Variants in USP24 observed in about 807,000 individuals in gnomAD.
USP24 encodes the protein ubiquitin specific peptidase 24, also known as ubiquitin carboxyl-terminal hydrolase 24.
In USP24, 97 loss-of-function variants were observed where a neutral mutation model predicts 361.6. That is an observed-to-expected ratio of 0.27 (90% CI 0.23 to 0.32). The LOEUF (loss-of-function observed/expected upper bound fraction) is 0.32. Ranked by LOEUF, USP24 falls within the 10% of genes least tolerant of loss-of-function variation. The pLI, the probability that USP24 is intolerant of heterozygous loss-of-function variation, is 1.00. For synonymous variants in USP24, 1,098 were observed against 1,124.6 expected (o/e 0.98, Z 0.47); for missense variants, 2,353 against 3,165.6 (o/e 0.74, Z 6.16).
In USP24 at chr1:55,142,767, A is replaced by G. The variant is rs1191714162; in HGVS notation, c.2609T>C (p.Ile870Thr). ...TTCTAATCTTGTGTAGCAATCAGCA[A>G]TGAATTTCTTATGTAAAGATACTGA... is the stretch of plus-strand genomic sequence containing the variant. ...KDSVSLHKKF[I>T]ADCYTRLEAA... is the part of the protein sequence containing the mutation. Residue 870 changes from isoleucine (I) to threonine (T), a missense_variant, in exon 23 of 68, where the codon ATT becomes ACT. Ile to Thr is a moderately conservative substitution (Grantham distance 89). Coordinates refer to ENST00000294383, the MANE Select transcript of USP24 (RefSeq NM_015306.3). 1 of 1,555,344 alleles carries G rather than the reference A, an allele frequency of 6.4e-7. No individual in the cohort carries two copies. The highest frequency in any genetic ancestry group is 1.9e-5 in the Admixed American group (1 of 52,172).
rs528010825 is a variant in USP24, at chr1:55,130,869, A to G, written c.3538-1295T>C. On this transcript the variant is annotated intron_variant, in intron 31 of 67. Transcript: ENST00000294383. ...TAACCTTTTAGCTGACAGCAAAATA[A>G]AAGCTTTTGGGAGTGTTAGGTTTCC... Among the ~76,000 whole-genome samples the G allele has an allele frequency of 6.0e-4, 91 of 152,302 alleles. 1 individual carries two copies. Among genetic ancestry groups the G allele is most frequent in the Non-Finnish European group, 2.1e-4 (14 of 68,016 alleles).
intron 38 of USP24, among the ~76,000 whole-genome samples, chr1:55,119,497 T>C (rs920031067): frequency 6.6e-6 from 1 of 152,152 alleles, no homozygotes; most frequent in African/African-American, 2.4e-5. Context: ...ACAGTTGTGA[T>C]GGTTGCATCA....
At chr1:55,120,453 C>T (rs1028833170) in intron 38 of USP24, 143 bp downstream of exon 38, 68 of 939,192 alleles carry the variant, frequency 7.2e-5, no homozygotes, top group Non-Finnish European at 9.7e-5. Flanking sequence ...TATCCAAATG[C>T]CATCTTTCAG....
At position 55,182,444 on chromosome 1, in the gene USP24, T is replaced by C. The variant is rs1165239; in HGVS notation, c.325-4312A>G. 6.1e-3 allele frequency among the ~76,000 whole-genome samples: 934 copies of C among 152,332 alleles called. 4 individuals are homozygous for C. Among genetic ancestry groups the C allele is most frequent in the South Asian group, 0.016 (76 of 4,832 alleles). ...CCACCCAGTCTGTGGTATTTTGTTA[T>C]GGCAGCCTGTTGAGGCTGATTCTGA... On this transcript the variant is annotated intron_variant, in intron 1 of 67. Coordinates refer to ENST00000294383, the MANE Select transcript of USP24 (RefSeq NM_015306.3).
chr1:55,191,647 C>T lies in USP24; in HGVS notation c.325-13515G>A, dbSNP rs139832202. 4.0e-4 allele frequency among the ~76,000 whole-genome samples: 61 copies of T among 152,040 alleles called. No homozygotes were observed. The East Asian group carries it at 0.011, about 27-fold the overall frequency. On this transcript the variant is annotated intron_variant, in intron 1 of 67. Coordinates refer to ENST00000294383, the MANE Select transcript of USP24 (RefSeq NM_015306.3). ...CTGGGATTACAGGCGCCTGCCACCA[C>T]GTCCGGCTAATTTTTTGTATTTTTA...
intron 1 of USP24, among the ~76,000 whole-genome samples, chr1:55,189,220 T>C (rs1644223005): frequency 6.6e-6 from 1 of 152,192 alleles, no homozygotes; most frequent in Non-Finnish European, 1.5e-5. Flanking sequence ...CGTGGCAGCA[T>C]TGTTGCTAAC....
intron 38 of USP24, among the ~76,000 whole-genome samples, chr1:55,110,474 T>C (rs985349130): frequency 2.0e-5 from 3 of 152,160 alleles, no homozygotes; most frequent in Non-Finnish European, 4.4e-5. Context: ...ACTAAATCTA[T>C]CACATCTTAA....
intron 32 of USP24, among the ~76,000 whole-genome samples, chr1:55,126,061 G>A (rs1174503613): frequency 2.0e-4 from 30 of 152,150 alleles, no homozygotes. Flanking sequence ...ATCCTTCAAT[G>A]GTTTCCTATT....
chr1:55,115,565 T>G (rs1161585089), intron 38 of USP24, among the ~76,000 whole-genome samples: 1 of 151,410 alleles, frequency 6.6e-6, no homozygotes, highest in Non-Finnish European at 1.5e-5. Flanking sequence ...TTTACACTGT[T>G]GGTGGGAGTG....
chr1:55,168,560 A>G (rs1018670054), intron 5 of USP24, among the ~76,000 whole-genome samples: 1 of 152,118 alleles, frequency 6.6e-6, no homozygotes, highest in African/African-American at 2.4e-5. Flanking sequence ...TTTGCAGGAG[A>G]AAAGGACATC....
intron 55 of USP24, among the ~76,000 whole-genome samples, chr1:55,087,712 G>A (rs1019964589): frequency 2.6e-5 from 4 of 152,214 alleles, no homozygotes; most frequent in Non-Finnish European, 4.4e-5. Flanking sequence ...AGTAGGGAAT[G>A]AACTGAACCT....
In USP24 at chr1:55,099,792, A is replaced by T. The variant is rs1194057173; in HGVS notation, c.5349T>A (p.Asp1783Glu). 1.9e-6 allele frequency: 3 copies of T among 1,557,908 alleles called. No individual in the cohort carries two copies. Among genetic ancestry groups the T allele is most frequent in the Non-Finnish European group, 2.6e-6 (3 of 1,149,756 alleles). Residue 1783 changes from aspartate (D) to glutamate (E), a missense_variant, in exon 45 of 68, where the codon GAT becomes GAA. By Grantham distance (45) the Asp-to-Glu change is conservative. Coordinates refer to ENST00000294383, the MANE Select transcript of USP24 (RefSeq NM_015306.3). ...CTACCTTGAGGTATTCATCCATCTG[A>T]TCAATGAGACTAGTAAAGAATTCAT... Reference protein sequence around the residue: ...DAYEFFTSLIDQMDEYLKKMG... With the variant: ...DAYEFFTSLIEQMDEYLKKMG...
intron 43 of USP24, among the ~76,000 whole-genome samples, chr1:55,101,342 T>C (rs149179041): frequency 2.6e-5 from 4 of 152,282 alleles, no homozygotes; most frequent in Non-Finnish European, 5.9e-5. Flanking sequence ...AAAAACAACT[T>C]TGGAGTTCAA....
chr1:55,075,475 T>C lies in USP24; in HGVS notation c.7429A>G (p.Thr2477Ala), dbSNP rs1328286611. ...TACTTGCCTAGTAATCCATTTTCTG[T>C]CTCAAACACAAATTTGACTCGCTCT... ...QVERVKFVFE[T>A]ENGLLALMHH... is the part of the protein sequence containing the mutation. Residue 2477 changes from threonine (T) to alanine (A), a missense_variant, in exon 63 of 68, where the codon ACA (threonine) becomes GCA (alanine). Coordinates refer to ENST00000294383, the MANE Select transcript of USP24 (RefSeq NM_015306.3). 6.2e-7 allele frequency: 1 copy of C among 1,604,174 alleles called. No homozygotes were observed. Among genetic ancestry groups the C allele is most frequent in the Admixed American group, 1.7e-5 (1 of 58,508 alleles).
intron 1 of USP24, among the ~76,000 whole-genome samples, chr1:55,208,964 CAAT>C (rs1210047237): frequency 6.6e-6 from 1 of 151,790 alleles, no homozygotes; most frequent in Non-Finnish European, 1.5e-5. Flanking sequence ...AAAAAAAACC[CAAT>C]AATGTCACCT....
intron 58 of USP24, among the ~76,000 whole-genome samples, chr1:55,082,461 AT>A (rs1168217535): frequency 6.6e-6 from 1 of 152,218 alleles, no homozygotes; most frequent in Non-Finnish European, 1.5e-5. Flanking sequence ...AATACGATGG[AT>A]GGGAGAAACA....
chr1:55,169,121 T>C lies in USP24; in HGVS notation c.825+2435A>G, dbSNP rs149734866. ...GTTAAGAACATGAGACAATACAAAA[T>C]GAAACAGTCAAAAAAACAAAATTTA... On this transcript the variant is annotated intron_variant, in intron 5 of 67. Transcript: ENST00000294383. Among the ~76,000 whole-genome samples the C allele has an allele frequency of 1.5e-4, 22 of 151,338 alleles. 1 individual carries two copies. In the East Asian group the frequency reaches 4.1e-3, roughly 28 times the overall value.
chr1:55,092,397 G>A lies in USP24; in HGVS notation c.6451-271C>T, dbSNP rs942190396. On this transcript the variant is annotated intron_variant, in intron 53 of 67. Transcript: ENST00000294383. ...AGACCGCAGGATGTTAAGTCATCAA[G>A]AGACTAAGAATGTTGTTTTCCCTTA... 4.6e-5 allele frequency among the ~76,000 whole-genome samples: 7 copies of A among 152,310 alleles called. No homozygotes were observed. In the East Asian group the frequency reaches 1.3e-3, roughly 29 times the overall value.
intron 2 of USP24, among the ~76,000 whole-genome samples, chr1:55,177,094 C>CAA (rs61532738): frequency 2.1e-4 from 27 of 131,640 alleles, no homozygotes; most frequent in South Asian, 4.8e-4. Flanking sequence ...AATCAAAAAC[C>CAA]AAAAAAAAAA....
Sources: allele counts gnomAD v4.1 joint callset (sites outside exome capture counted in the v4.1 genomes callset), GRCh38; gene constraint gnomAD v4.1.1; transcripts MANE v1.5; gene names NCBI Gene and HGNC (gene_info 2026-07-23, HGNC 2026-07-21).